GRB10: variants seen among roughly 807,000 people sequenced by gnomAD.
GRB10 encodes growth factor receptor bound protein 10, also known as growth factor receptor-bound protein 10.
A neutral mutation model predicts 80.9 loss-of-function variants in GRB10; 20 were observed. The observed-to-expected ratio is 0.25, with a 90% confidence interval of 0.17 to 0.36. GRB10 has a LOEUF of 0.36. GRB10 is among the 10% of genes least tolerant of loss of function. The pLI, the probability that GRB10 is intolerant of heterozygous loss-of-function variation, is 1.00. For missense variants in GRB10, 548 were observed against 747.7 expected, an observed-to-expected ratio of 0.73 and a Z score of 3.12; for synonymous variants, 291 against 291.5, an observed-to-expected ratio of 1.00 and a Z score of 0.02.
intron 7 of GRB10, among the ~76,000 whole-genome samples, chr7:50,655,391 G>T (rs948237713): frequency 3.3e-5 from 5 of 152,184 alleles, no homozygotes; most frequent in African/African-American, 1.2e-4. Context: ...GGCAGCCCTG[G>T]CTCCTTTTAT....
chr7:50,680,130 A>C (rs1210693603), intron 5 of GRB10, among the ~76,000 whole-genome samples: 2 of 152,248 alleles, frequency 1.3e-5, no homozygotes, highest in East Asian at 3.8e-4. Flanking sequence ...ACCTAACCAC[A>C]ACTCCAAATA....
intron 2 of GRB10, among the ~76,000 whole-genome samples, chr7:50,780,112 C>G (rs1391233970): frequency 6.6e-6 from 1 of 152,178 alleles, no homozygotes; most frequent in Non-Finnish European, 1.5e-5. Context: ...AAAGCCCATT[C>G]CACATGAAAA....
At chr7:50,749,229 A>C (rs1210718550) in intron 3 of GRB10, among the ~76,000 whole-genome samples, 5 of 150,874 alleles carry the variant, frequency 3.3e-5, no homozygotes, top group African/African-American at 1.2e-4. Flanking sequence ...CCTAGGTTCA[A>C]GCGATTCTCC....
chr7:50,694,292 C>G (rs2063182505), intron 5 of GRB10, among the ~76,000 whole-genome samples: 1 of 152,202 alleles, frequency 6.6e-6, no homozygotes, highest in Non-Finnish European at 1.5e-5. Flanking sequence ...CCACTGCACT[C>G]TAGCCTGGGT....
rs2063901977 is a variant in GRB10 at position 50,699,790 on chromosome 7, G to A, written c.139+4031C>T. On this transcript the variant is annotated intron_variant, in intron 5 of 18. Transcript: ENST00000401949. The stretch of plus-strand genomic sequence containing the variant: ...ATTGGAGATCTCGTCCTCTGTGTAA[G>A]CTGTTGTCCTCTGTGTTTAAGAGTG... Among the ~76,000 whole-genome samples, 3 of 151,936 alleles carry A rather than the reference G, an allele frequency of 2.0e-5. No individual in the cohort carries two copies. The South Asian group carries it at 6.2e-4, about 32-fold the overall frequency.
At position 50,703,801 on chromosome 7, in the gene GRB10, G is replaced by A; in HGVS notation, c.139+20C>T. 1 of 1,577,642 alleles carries A rather than the reference G, an allele frequency of 6.3e-7. No individual in the cohort carries two copies. Among genetic ancestry groups the A allele is most frequent in the Non-Finnish European group, 8.7e-7 (1 of 1,147,368 alleles). On this transcript the variant is annotated intron_variant, in intron 5 of 18. Transcript: ENST00000401949. ...CAAAGCTAGAACTGGGAGTGTTCTT[G>A]TGTTTTGCTCATTCCTTACCCTGGT...
intron 17 of GRB10, among the ~76,000 whole-genome samples, chr7:50,597,940 T>C (rs1465945920): frequency 1.3e-5 from 2 of 152,188 alleles, no homozygotes; most frequent in Admixed American, 1.3e-4. Context: ...CTCAGATCAC[T>C]GCAACCTCCG....
At chr7:50,788,589 A>C (rs2078790689) in intron 1 of GRB10, among the ~76,000 whole-genome samples, 1 of 152,212 alleles carries the variant, frequency 6.6e-6, no homozygotes, top group African/African-American at 2.4e-5. Flanking sequence ...CACAATGATG[A>C]GGACCAACAC....
In GRB10 at chr7:50,731,746, A is replaced by G. The variant is rs576630436; in HGVS notation, c.51+526T>C. On this transcript the variant is annotated intron_variant, in intron 4 of 18. Transcript: ENST00000401949. Reference sequence around the variant, plus strand: ...ACAGAAATGAACTTGTTCTCCCACAAAATTCCACCTAGGGCTCTCAGGAAA... The same window carrying G: ...ACAGAAATGAACTTGTTCTCCCACAGAATTCCACCTAGGGCTCTCAGGAAA... 2.0e-5 allele frequency among the ~76,000 whole-genome samples: 3 copies of G among 152,324 alleles called. No individual in the cohort carries two copies. In the East Asian group the frequency reaches 5.8e-4, roughly 29 times the overall value.
chr7:50,610,745 A>C (rs969782318), intron 13 of GRB10, among the ~76,000 whole-genome samples: 1 of 152,228 alleles, frequency 6.6e-6, no homozygotes, highest in Non-Finnish European at 1.5e-5. Context: ...GGCCCATAGC[A>C]AATGCTCAAA....
At chr7:50,634,443 A>G (rs953816182) in intron 7 of GRB10, among the ~76,000 whole-genome samples, 4 of 152,272 alleles carry the variant, frequency 2.6e-5, no homozygotes, top group Admixed American at 6.5e-5. Context: ...AACAGCATAC[A>G]TAAGTAGACA....
At chr7:50,724,492 G>GC (rs1293001388) in intron 4 of GRB10, among the ~76,000 whole-genome samples, 2 of 152,208 alleles carry the variant, frequency 1.3e-5, no homozygotes, top group Non-Finnish European at 2.9e-5. Context: ...AGCAGTGGGT[G>GC]CATGAAGAGA....
At chr7:50,723,263 G>GAACACC in intron 4 of GRB10, among the ~76,000 whole-genome samples, 1 of 152,062 alleles carries the variant, frequency 6.6e-6, no homozygotes, top group Non-Finnish European at 1.5e-5. Context: ...GAGGGGTCAG[G>GAACACC]TGTTTCCTTA....
At chr7:50,732,935 G>A (rs564281414) in intron 3 of GRB10, among the ~76,000 whole-genome samples, 102 of 152,214 alleles carry the variant, frequency 6.7e-4, no homozygotes, top group Non-Finnish European at 1.2e-3. Context: ...AATAAAATGA[G>A]GGATATTAAT....
intron 3 of GRB10, among the ~76,000 whole-genome samples, chr7:50,750,790 T>G (rs2073995590): frequency 6.6e-6 from 1 of 152,178 alleles, no homozygotes; most frequent in South Asian, 2.1e-4. Flanking sequence ...GCAGACACTC[T>G]GGGCAATGAA....
At chr7:50,760,012 G>T (rs1248133061) in intron 2 of GRB10, among the ~76,000 whole-genome samples, 2 of 152,192 alleles carry the variant, frequency 1.3e-5, no homozygotes, top group Non-Finnish European at 2.9e-5. Context: ...GGACCAACAG[G>T]CCCAATAATC....
chr7:50,784,322 C>T (rs773853490), upstream of GRB10, among the ~76,000 whole-genome samples: 6 of 152,216 alleles, frequency 3.9e-5, no homozygotes, highest in African/African-American at 7.2e-5. Flanking sequence ...GAGAACTTGG[C>T]TTTCCTTCCA....
At chr7:50,634,788 A>G (rs2054636931) in intron 7 of GRB10, among the ~76,000 whole-genome samples, 1 of 152,282 alleles carries the variant, frequency 6.6e-6, no homozygotes, top group South Asian at 2.1e-4. Context: ...TTTTAGAAAA[A>G]GAGACAATGA....
At chr7:50,651,371 T>TC (rs1490681901) in intron 7 of GRB10, among the ~76,000 whole-genome samples, 4 of 152,214 alleles carry the variant, frequency 2.6e-5, no homozygotes, top group Admixed American at 2.6e-4. Context: ...TCTTTGTCAT[T>TC]CCTTGGCTTA....
Sources: allele counts gnomAD v4.1 joint callset (sites outside exome capture counted in the v4.1 genomes callset), GRCh38; gene constraint gnomAD v4.1.1; transcripts MANE v1.5; gene names NCBI Gene and HGNC (gene_info 2026-07-23, HGNC 2026-07-21).